Variants in ABCC2 observed in about 807,000 individuals in gnomAD.
ABCC2 encodes the protein ATP binding cassette subfamily C member 2, also known as ATP-binding cassette sub-family C member 2.
A neutral mutation model predicts 173.4 loss-of-function variants in ABCC2; 157 were observed. The ratio of observed to expected loss-of-function variants is 0.91; its 90% confidence interval spans 0.80 to 1.03. ABCC2 has a LOEUF of 1.03. ABCC2 is among the 50% of genes least tolerant of loss of function. The pLI is 0.00. For missense variants in ABCC2, 1,822 were observed against 1,852.3 expected, an observed-to-expected ratio of 0.98 and a Z score of 0.30; for synonymous variants, 657 against 693.5, an observed-to-expected ratio of 0.95 and a Z score of 0.83.
rs370095941 is a variant in ABCC2, at chr10:99,804,153, T to G, written c.1344T>G (p.Ile448Met). 11 of 1,614,154 alleles carry G rather than the reference T, an allele frequency of 6.8e-6. No individual in the cohort carries two copies. The highest frequency in any genetic ancestry group is 2.2e-5 in the East Asian group (1 of 44,870). Residue 448 changes from isoleucine to methionine, a missense_variant, in exon 10 of 32, where the codon ATT becomes ATG. Coordinates refer to ENST00000647814, the MANE Select transcript of ABCC2 (RefSeq NM_000392.5). ...MHMLWSSVLQ[I>M]VLSIFFLWRE... is the part of the protein sequence containing the mutation. Reference sequence around the variant, plus strand: ...TGCTGTGGTCAAGTGTTCTACAGATTGTCTTATCTATCTTCTTCCTATGGA... The same window carrying G: ...TGCTGTGGTCAAGTGTTCTACAGATGGTCTTATCTATCTTCTTCCTATGGA...
intron 16 of ABCC2, among the ~76,000 whole-genome samples, chr10:99,814,661 G>GTGTATATACACATATACACACACATATA (rs2038356487): frequency 7.9e-6 from 1 of 126,854 alleles, no homozygotes; most frequent in Non-Finnish European, 1.7e-5. Flanking sequence ...ACACACATAT[G>GTGTATATACACATATACACACACATATA]TGTATATACA....
chr10:99,841,935 G>T, intron 25 of ABCC2, 32 bp from the exon 26 acceptor site: 1 of 1,614,060 alleles, frequency 6.2e-7, no homozygotes, highest in South Asian at 1.1e-5. Flanking sequence ...CGTGATCAGT[G>T]ACACGCACTC....
intron 2 of ABCC2, among the ~76,000 whole-genome samples, chr10:99,788,178 C>A (rs1275334562): frequency 1.3e-5 from 2 of 152,160 alleles, no homozygotes; most frequent in Non-Finnish European, 2.9e-5. Flanking sequence ...CCAGAAATAG[C>A]CTGTGCTTTT....
rs561288466 is a variant in ABCC2 at position 99,796,639 on chromosome 10, T to G, written c.633-458T>G. Among the ~76,000 whole-genome samples the G allele has an allele frequency of 1.7e-3, 253 of 151,908 alleles. 2 individuals are homozygous for G. Among genetic ancestry groups the G allele is most frequent in the Non-Finnish European group, 2.8e-3 (192 of 67,936 alleles). On this transcript the variant is annotated intron_variant, in intron 6 of 31. Transcript: ENST00000647814. The stretch of plus-strand genomic sequence containing the variant: ...GATGGAGGTTGCGGTGAGCCAAGAT[T>G]GCGCTACTGCACTCCAGCCTGGGCA...
chr10:99,792,434 G>A, intron 3 of ABCC2, 75 bp downstream of exon 3: 2 of 1,586,174 alleles, frequency 1.3e-6, no homozygotes, highest in Non-Finnish European at 1.7e-6. Flanking sequence ...TACTCTTTGG[G>A]GATGAAATTA....
intron 30 of ABCC2, among the ~76,000 whole-genome samples, chr10:99,850,105 AT>A (rs2039067779): frequency 6.6e-6 from 1 of 152,210 alleles, no homozygotes; most frequent in Non-Finnish European, 1.5e-5. Context: ...TAATAAATTG[AT>A]TTGCTAAGGC....
At chr10:99,821,936 C>A (rs2038545894) in intron 19 of ABCC2, among the ~76,000 whole-genome samples, 1 of 152,054 alleles carries the variant, frequency 6.6e-6, no homozygotes, top group East Asian at 1.9e-4. Flanking sequence ...GTAGGTACTT[C>A]TACCAACCAA....
chr10:99,813,400 T>C (rs2038251194), intron 16 of ABCC2, among the ~76,000 whole-genome samples: 1 of 152,188 alleles, frequency 6.6e-6, no homozygotes, highest in African/African-American at 2.4e-5. Context: ...AACTGCTGAT[T>C]AGAGAGGTCT....
chr10:99,808,463 G>A (rs949282744), intron 13 of ABCC2, among the ~76,000 whole-genome samples: 1 of 152,132 alleles, frequency 6.6e-6, no homozygotes, highest in Admixed American at 6.5e-5. Flanking sequence ...ACCTCACAGG[G>A]AGACAATCTT....
intron 14 of ABCC2, 134 bp downstream of exon 14, chr10:99,810,352 T>C: frequency 1.4e-6 from 1 of 731,288 alleles, no homozygotes; most frequent in Non-Finnish European, 2.4e-6. Context: ...TTGCATAAGA[T>C]ACAAACTGTT....
rs2037843585 is a variant in ABCC2, at chr10:99,793,569, C to G, written c.352C>G (p.Gln118Glu). 1 of 1,614,078 alleles carries G rather than the reference C, an allele frequency of 6.2e-7. No homozygotes were observed. The highest frequency in any genetic ancestry group is 1.3e-5 in the African/African-American group (1 of 75,014). The change falls in exon 4 of 32, where the codon CAA (glutamine) becomes GAA (glutamate). Residue 118 changes from glutamine to glutamate, a missense_variant. By Grantham distance (29) the Gln-to-Glu change is conservative. Coordinates refer to ENST00000647814, the MANE Select transcript of ABCC2 (RefSeq NM_000392.5). ...LGTWLLVLLI[Q>E]YSRQWCVQKN... ...TCTCCAGCTCCTGGTTTTGCTGATCCAATACAGCAGACAATGGTGTGTACA... is the reference window on the plus strand; with the variant it reads ...TCTCCAGCTCCTGGTTTTGCTGATCGAATACAGCAGACAATGGTGTGTACA...
At position 99,813,145 on chromosome 10, in the gene ABCC2, G is replaced by T. The variant is rs749875260; in HGVS notation, c.2094+1G>T. On this transcript the variant is annotated splice_donor_variant, in intron 16 of 31. Coordinates refer to ENST00000647814, the MANE Select transcript of ABCC2 (RefSeq NM_000392.5). LOFTEE classifies it high-confidence loss of function. ...TGTCCACGGGCACATCACCATCAAG[G>T]TGAGAGGGAATGCCAATGCAAAAGC... The T allele has an allele frequency of 1.9e-6, 3 of 1,613,384 alleles. No homozygotes were observed. Among genetic ancestry groups the T allele is most frequent in the Non-Finnish European group, 2.5e-6 (3 of 1,179,696 alleles).
At chr10:99,794,557 T>A (rs2037864380) in intron 6 of ABCC2, 89 bp downstream of exon 6, 7 of 1,329,248 alleles carry the variant, frequency 5.3e-6, no homozygotes, top group Non-Finnish European at 7.4e-6. Context: ...TATTATTTTT[T>A]TTTTGAGATG....
chr10:99,848,630 C>T (rs1378990277), intron 30 of ABCC2, among the ~76,000 whole-genome samples: 1 of 152,216 alleles, frequency 6.6e-6, no homozygotes, highest in Non-Finnish European at 1.5e-5. Flanking sequence ...CGCACTTTAG[C>T]AAGATTCCCA....
chr10:99,784,134 G>T (rs2037665202), intron 1 of ABCC2, among the ~76,000 whole-genome samples: 1 of 152,014 alleles, frequency 6.6e-6, no homozygotes, highest in African/African-American at 2.4e-5. Context: ...TTTAATGTAA[G>T]CGCTTTGGGC....
intron 19 of ABCC2, among the ~76,000 whole-genome samples, chr10:99,820,630 T>C (rs1201223656): frequency 1.3e-5 from 2 of 152,002 alleles, no homozygotes; most frequent in East Asian, 3.9e-4. Context: ...AATCAGGAAG[T>C]CTGTAGCTTT....
intron 9 of ABCC2, among the ~76,000 whole-genome samples, chr10:99,802,082 T>C (rs1483008667): frequency 6.6e-6 from 1 of 152,260 alleles, no homozygotes; most frequent in Non-Finnish European, 1.5e-5. Context: ...AGTACACTTC[T>C]ACAATTTTTT....
intron 11 of ABCC2, 46 bp from the exon 12 acceptor site, chr10:99,807,338 C>T (rs2038127556): frequency 6.2e-7 from 1 of 1,613,686 alleles, no homozygotes; most frequent in South Asian, 1.1e-5. Flanking sequence ...ACCTGGTGCC[C>T]TTTCAGGGGC....
At chr10:99,796,793 A>G (rs913629763) in intron 6 of ABCC2, among the ~76,000 whole-genome samples, 2 of 152,232 alleles carry the variant, frequency 1.3e-5, no homozygotes. Context: ...GGAGGCCCCC[A>G]AGGAGATGCC....
Sources: gnomAD v4.1 joint callset for allele counts (sites outside exome capture counted in the v4.1 genomes callset) on GRCh38, gnomAD v4.1.1 for gene constraint, MANE v1.5 for transcripts, NCBI Gene and HGNC (gene_info 2026-07-23, HGNC 2026-07-21) for gene names.